DSCAM: variants seen among roughly 807,000 people sequenced by gnomAD.
The protein encoded by DSCAM is cell adhesion molecule DSCAM.
A neutral mutation model predicts 217.7 loss-of-function variants in DSCAM; 47 were observed. The observed-to-expected ratio is 0.22, with a 90% CI of 0.17 to 0.28. The LOEUF is 0.28. DSCAM is among the 10% of genes least tolerant of loss of function. The pLI is 1.00. For missense variants in DSCAM, 2,080 were observed against 2,618.3 expected, an observed-to-expected ratio of 0.79 and a Z score of 4.49; for synonymous variants, 1,056 against 1,015.3, an observed-to-expected ratio of 1.04 and a Z score of -0.76.
At chr21:40,744,781 C>T (rs1380750275) in intron 1 of DSCAM, among the ~76,000 whole-genome samples, 1 of 151,966 alleles carries the variant, frequency 6.6e-6, no homozygotes, top group Non-Finnish European at 1.5e-5. Context: ...AAATATGATG[C>T]CACCAAAAGA....
intron 11 of DSCAM, among the ~76,000 whole-genome samples, chr21:40,192,666 G>A (rs115251769): frequency 0.023 from 3,545 of 152,190 alleles, 116 homozygotes; most frequent in African/African-American, 0.073. Flanking sequence ...GAATCATATA[G>A]CATGTATTCT....
chr21:40,767,243 G>C (rs967339181), intron 1 of DSCAM, among the ~76,000 whole-genome samples: 2 of 152,078 alleles, frequency 1.3e-5, no homozygotes, highest in African/African-American at 4.8e-5. Flanking sequence ...AAGTAAGCAG[G>C]GTTGCCTTCT....
In DSCAM at chr21:40,121,681, C is replaced by CTTTTTTTTTTTTTTTTTTTTT. The variant is rs201672838; in HGVS notation, c.3696+2493_3696+2513dup. On this transcript the variant is annotated intron_variant, in intron 20 of 32. Transcript: ENST00000400454. ...CTGGTGGGTTTGCTCTCATTACTGT[C>CTTTTTTTTTTTTTTTTTTTTT]TTTTTTTTTTTTTTTTTTTTTTTTT... Among the ~76,000 whole-genome samples the CTTTTTTTTTTTTTTTTTTTTT allele has an allele frequency of 5.8e-4, 43 of 73,748 alleles. 4 individuals carry two copies. The highest frequency in any genetic ancestry group is 1.4e-3 in the African/African-American group (24 of 17,396). The allele number at this position is 73,748 out of a possible 152,430, so 48.4% of individuals were successfully genotyped here.
At chr21:40,698,622 C>A (rs2090620011) in intron 2 of DSCAM, among the ~76,000 whole-genome samples, 1 of 152,124 alleles carries the variant, frequency 6.6e-6, no homozygotes, top group Non-Finnish European at 1.5e-5. Context: ...GTAATCCCAG[C>A]ACTTTGTGAG....
At chr21:40,563,563 GTTTA>G (rs1294997632) in intron 3 of DSCAM, among the ~76,000 whole-genome samples, 39 of 124,826 alleles carry the variant, frequency 3.1e-4, no homozygotes, top group Non-Finnish European at 4.6e-4. Flanking sequence ...ATGTTTATAT[GTTTA>G]TATATAGTTA....
intron 3 of DSCAM, among the ~76,000 whole-genome samples, chr21:40,651,949 CA>C (rs1310755461): frequency 6.6e-6 from 1 of 152,148 alleles, no homozygotes; most frequent in East Asian, 1.9e-4. Context: ...CAAAAGAGGT[CA>C]GCCCCCCCAC....
At chr21:40,694,335 T>G (rs2090573436) in intron 2 of DSCAM, among the ~76,000 whole-genome samples, 1 of 152,158 alleles carries the variant, frequency 6.6e-6, no homozygotes. Context: ...AAAGAATTAA[T>G]CACTTACTGG....
At chr21:40,197,836 TA>T (rs2091029462) in intron 11 of DSCAM, among the ~76,000 whole-genome samples, 1 of 152,222 alleles carries the variant, frequency 6.6e-6, no homozygotes, top group Admixed American at 6.5e-5. Flanking sequence ...GGAAACTAAG[TA>T]ATTAGCCTAA....
intron 3 of DSCAM, chr21:40,621,508 A>G (rs1412325651): frequency 1.3e-5 from 2 of 152,134 alleles, no homozygotes; most frequent in African/African-American, 4.8e-5. Flanking sequence ...GTACAAAGCA[A>G]TGCTGACTGG....
At chr21:40,791,938 G>A (rs1439431678) in intron 1 of DSCAM, among the ~76,000 whole-genome samples, 1 of 151,974 alleles carries the variant, frequency 6.6e-6, no homozygotes, top group Non-Finnish European at 1.5e-5. Context: ...GTTGGTCTGG[G>A]CTGCCATAGT....
intron 3 of DSCAM, among the ~76,000 whole-genome samples, chr21:40,508,783 ATTTTTT>A (rs1178142732): frequency 4.1e-4 from 10 of 24,212 alleles, no homozygotes; most frequent in African/African-American, 8.6e-4. Context: ...ATATATATAT[ATTTTTT>A]TTTTTTTTTT....
At chr21:40,526,519 G>C (rs2076401815) in intron 3 of DSCAM, among the ~76,000 whole-genome samples, 1 of 152,144 alleles carries the variant, frequency 6.6e-6, no homozygotes, top group African/African-American at 2.4e-5. Context: ...GTGTGTAGAA[G>C]ACAAGGACAT....
intron 16 of DSCAM, among the ~76,000 whole-genome samples, chr21:40,150,038 T>C (rs68079376): frequency 0.045 from 6,883 of 152,340 alleles, 209 homozygotes; most frequent in African/African-American, 0.08. Flanking sequence ...CTTCCACTTA[T>C]TGAACACTGT....
At chr21:40,185,536 C>G (rs1019083308) in intron 14 of DSCAM, among the ~76,000 whole-genome samples, 3 of 152,182 alleles carry the variant, frequency 2.0e-5, no homozygotes, top group Non-Finnish European at 2.9e-5. Context: ...TGCTCCCGCA[C>G]CAACAGCATG....
intron 32 of DSCAM, among the ~76,000 whole-genome samples, chr21:40,032,387 T>C (rs1161808715): frequency 6.6e-6 from 1 of 152,084 alleles, no homozygotes; most frequent in African/African-American, 2.4e-5. Flanking sequence ...TATACCTCGG[T>C]GTAGTTTTTA....
At position 40,364,319 on chromosome 21, in the gene DSCAM, ACATATACAC is replaced by A. The variant is rs914077989; in HGVS notation, c.655+4771_655+4779del. Among the ~76,000 whole-genome samples the A allele has an allele frequency of 2.8e-4, 42 of 152,194 alleles. 1 individual carries two copies. Among genetic ancestry groups the A allele is most frequent in the Admixed American group, 1.2e-3 (19 of 15,278 alleles). On this transcript the variant is annotated intron_variant, in intron 4 of 32. Coordinates refer to ENST00000400454, the MANE Select transcript of DSCAM (RefSeq NM_001389.5). Reference sequence around the variant, plus strand: ...ATAGACTGGATTAAGAAAAAGTGGCACATATACACCATGGAATACTATGCAGCCATAAAA... The same window carrying A: ...ATAGACTGGATTAAGAAAAAGTGGCACATGGAATACTATGCAGCCATAAAA...
chr21:40,537,410 C>T (rs1334481292), intron 3 of DSCAM, among the ~76,000 whole-genome samples: 1 of 152,154 alleles, frequency 6.6e-6, no homozygotes, highest in African/African-American at 2.4e-5. Flanking sequence ...AGAAAACTAA[C>T]ATTGTTTATT....
At position 40,637,935 on chromosome 21, in the gene DSCAM, C is replaced by T. The variant is rs374426392; in HGVS notation, c.508+54875G>A. 5.3e-5 allele frequency among the ~76,000 whole-genome samples: 8 copies of T among 151,992 alleles called. No homozygotes were observed. In the East Asian group the frequency reaches 1.2e-3, roughly 22 times the overall value. The stretch of plus-strand genomic sequence containing the variant: ...CTGACCTCAGGTGATCCACCCACCT[C>T]GACCTCCCAAAGTGCTGGGATTACA... On this transcript the variant is annotated intron_variant, in intron 3 of 32. Coordinates refer to ENST00000400454, the MANE Select transcript of DSCAM (RefSeq NM_001389.5).
At chr21:40,412,315 A>G (rs1253336774) in intron 3 of DSCAM, among the ~76,000 whole-genome samples, 1 of 152,194 alleles carries the variant, frequency 6.6e-6, no homozygotes, top group East Asian at 1.9e-4. Context: ...TAACAAGAAG[A>G]GGCTGGGAAC....
Sources: allele counts gnomAD v4.1 joint callset (sites outside exome capture counted in the v4.1 genomes callset), GRCh38; gene constraint gnomAD v4.1.1; transcripts MANE v1.5; gene names NCBI Gene and HGNC (gene_info 2026-07-23, HGNC 2026-07-21).